The following CTNNA1 variants were observed in gnomAD, a reference collection of about 807,000 sequenced individuals.
The protein encoded by CTNNA1 is catenin alpha 1.
CTNNA1 carries 37 observed loss-of-function variants against 98.4 expected under a neutral mutation model. That is an observed-to-expected ratio of 0.38 (90% CI 0.29 to 0.49). The LOEUF (loss-of-function observed/expected upper bound fraction) is 0.49. Ranked by LOEUF, CTNNA1 falls within the 20% of genes least tolerant of loss-of-function variation. The pLI is 0.95. For synonymous variants in CTNNA1, 404 were observed against 413.2 expected, an observed-to-expected ratio of 0.98 and a Z score of 0.27; for missense variants, 761 against 1,147.2, an observed-to-expected ratio of 0.66 and a Z score of 4.86.
intron 5 of CTNNA1, 43 bp downstream of exon 5, chr5:138,812,345 C>G (rs774482383): frequency 1.9e-6 from 3 of 1,590,264 alleles, no homozygotes. Context: ...GTTCATTTTA[C>G]TATCTAGAGG....
chr5:138,819,047 G>A (rs1009899569), intron 5 of CTNNA1, among the ~76,000 whole-genome samples: 1 of 141,442 alleles, frequency 7.1e-6, no homozygotes, highest in African/African-American at 2.6e-5. Flanking sequence ...TTCCTTAGGG[G>A]GCAGGGCACA....
chr5:138,859,910 C>T (rs1282924543), intron 7 of CTNNA1, among the ~76,000 whole-genome samples: 1 of 152,112 alleles, frequency 6.6e-6, no homozygotes, highest in Non-Finnish European at 1.5e-5. Context: ...CCAGTCTCAA[C>T]AACTAAACAA....
intron 7 of CTNNA1, among the ~76,000 whole-genome samples, chr5:138,830,921 T>C (rs1288503878): frequency 6.6e-6 from 1 of 152,220 alleles, no homozygotes; most frequent in Non-Finnish European, 1.5e-5. Flanking sequence ...AGAAGATTTA[T>C]TTTGTAATCT....
intron 9 of CTNNA1, among the ~76,000 whole-genome samples, chr5:138,901,706 C>T (rs954006676): frequency 6.6e-6 from 1 of 152,200 alleles, no homozygotes; most frequent in Non-Finnish European, 1.5e-5. Context: ...GCACCCAGCT[C>T]AGAGTGTTTC....
intron 7 of CTNNA1, among the ~76,000 whole-genome samples, chr5:138,877,874 A>G (rs1285569068): frequency 6.6e-6 from 1 of 152,148 alleles, no homozygotes; most frequent in African/African-American, 2.4e-5. Context: ...TCAAGTAACT[A>G]CGTTAGTTCC....
intron 5 of CTNNA1, among the ~76,000 whole-genome samples, chr5:138,818,049 T>A (rs1381656179): frequency 2.6e-5 from 4 of 152,038 alleles, no homozygotes; most frequent in Admixed American, 1.3e-4. Context: ...TAGCTGGGAT[T>A]ACTGGTGTGA....
intron 9 of CTNNA1, among the ~76,000 whole-genome samples, chr5:138,890,517 C>T (rs1755110856): frequency 1.3e-5 from 2 of 152,140 alleles, no homozygotes; most frequent in South Asian, 2.1e-4. Flanking sequence ...TAATCAGGAC[C>T]AGCCAAATGA....
chr5:138,869,143 A>G (rs919940437), intron 7 of CTNNA1: 15 of 150,480 alleles, frequency 1.0e-4, no homozygotes, highest in African/African-American at 3.7e-4. Context: ...GTTGATAGGA[A>G]GGTTCACCAA....
At chr5:138,816,660 T>C (rs115701528) in intron 5 of CTNNA1, among the ~76,000 whole-genome samples, 7,078 of 152,242 alleles carry the variant, frequency 0.046, 252 homozygotes, top group Non-Finnish European at 0.066. Context: ...TACCTGTTGG[T>C]CATTTGTATG....
intron 7 of CTNNA1, among the ~76,000 whole-genome samples, chr5:138,883,004 A>T (rs957825566): frequency 6.6e-6 from 1 of 151,440 alleles, no homozygotes; most frequent in African/African-American, 2.4e-5. Flanking sequence ...AATTTTTGTA[A>T]TTTTGTAATT....
chr5:138,855,048 T>G (rs558523356), intron 7 of CTNNA1, among the ~76,000 whole-genome samples: 56 of 152,314 alleles, frequency 3.7e-4, no homozygotes, highest in African/African-American at 1.3e-3. Flanking sequence ...GTTTGTTTGT[T>G]TTTGTTTTGA....
At chr5:138,867,821 C>T (rs1435105821) in intron 7 of CTNNA1, among the ~76,000 whole-genome samples, 4 of 151,110 alleles carry the variant, frequency 2.6e-5, no homozygotes, top group African/African-American at 9.8e-5. Context: ...GGCATGATCT[C>T]AGCTCACTGC....
chr5:138,811,296 C>T (rs1248512573), intron 4 of CTNNA1, among the ~76,000 whole-genome samples: 7 of 136,292 alleles, frequency 5.1e-5, no homozygotes, highest in African/African-American at 1.4e-4. Context: ...GGGGCAGAGG[C>T]GCTCCCCACA....
rs537183234 is a variant in CTNNA1, at chr5:138,763,221, A to G, written c.-3+9711A>G. Among the ~76,000 whole-genome samples, 100 of 152,342 alleles carry G rather than the reference A, an allele frequency of 6.6e-4. 3 individuals are homozygous for G. In the South Asian group the frequency reaches 0.02, roughly 30 times the overall value. ...TAGACTACATACAGACTGTTCTTGA[A>G]AATGAAAGTGCTGTTATAACTCAGA... is the stretch of plus-strand genomic sequence containing the variant. On this transcript the variant is annotated intron_variant, in intron 1 of 17. Coordinates refer to ENST00000302763, the MANE Select transcript of CTNNA1 (RefSeq NM_001903.5).
chr5:138,882,218 T>A (rs1190392051), intron 7 of CTNNA1, among the ~76,000 whole-genome samples: 1 of 152,110 alleles, frequency 6.6e-6, no homozygotes, highest in Non-Finnish European at 1.5e-5. Context: ...AGGGCTGAGG[T>A]TGGCTAGCAG....
Position 138,909,033 on chromosome 5 carries a change from C to A in CTNNA1, c.1389+4592C>A, listed in dbSNP as rs141375123. 6.1e-3 allele frequency among the ~76,000 whole-genome samples: 930 copies of A among 152,092 alleles called. 3 individuals are homozygous for A. The highest frequency in any genetic ancestry group is 9.2e-3 in the Non-Finnish European group (626 of 68,008). On this transcript the variant is annotated intron_variant, in intron 10 of 17. Transcript: ENST00000302763. Reference sequence around the variant, plus strand: ...CTTTAAATATTTTAATTTTTAAATTCAAAACCATTTGGTGTGCTGGTCAGG... The same window carrying A: ...CTTTAAATATTTTAATTTTTAAATTAAAAACCATTTGGTGTGCTGGTCAGG...
chr5:138,837,647 G>T (rs1761923459), intron 7 of CTNNA1, among the ~76,000 whole-genome samples: 1 of 150,542 alleles, frequency 6.6e-6, no homozygotes, highest in Non-Finnish European at 1.5e-5. Context: ...TTGAGACAGG[G>T]TCTTATTCTG....
intron 9 of CTNNA1, among the ~76,000 whole-genome samples, chr5:138,892,471 T>C (rs913356020): frequency 7.3e-5 from 11 of 150,780 alleles, no homozygotes; most frequent in African/African-American, 2.7e-4. Flanking sequence ...CTCAAGTTGC[T>C]AGGATTACAG....
At chr5:138,888,271 C>T (rs957223625) in intron 9 of CTNNA1, among the ~76,000 whole-genome samples, 2 of 152,114 alleles carry the variant, frequency 1.3e-5, no homozygotes, top group Non-Finnish European at 2.9e-5. Context: ...TGACTTATTT[C>T]GCAGGTAAGT....
Sources: allele counts gnomAD v4.1 joint callset (sites outside exome capture counted in the v4.1 genomes callset), GRCh38; gene constraint gnomAD v4.1.1; transcripts MANE v1.5; gene names NCBI Gene and HGNC (gene_info 2026-07-23, HGNC 2026-07-21).